SYNPO2: variants seen among roughly 807,000 people sequenced by gnomAD.
SYNPO2 encodes the protein synaptopodin 2, also known as synaptopodin-2.
A neutral mutation model predicts 85.0 loss-of-function variants in SYNPO2; 56 were observed. The ratio of observed to expected loss-of-function variants is 0.66; its 90% CI spans 0.53 to 0.82. The LOEUF (loss-of-function observed/expected upper bound fraction) is 0.82, where lower values mean the gene tolerates loss of function less well. Among genes scored for constraint, SYNPO2 ranks in the 40% least tolerant of loss-of-function variants. The pLI is 0.00. For synonymous variants in SYNPO2, 602 were observed against 591.1 expected (o/e 1.02, Z -0.27); for missense variants, 1,575 against 1,534.2 (o/e 1.03, Z -0.44).
At chr4:118,935,144 A>T (rs759346457) in intron 1 of SYNPO2, among the ~76,000 whole-genome samples, 6 of 152,176 alleles carry the variant, frequency 3.9e-5, no homozygotes, top group Non-Finnish European at 8.8e-5. Flanking sequence ...AAACTCAGAC[A>T]CACAATTCCA....
At chr4:118,933,818 CTGT>C (rs1431295811) in intron 1 of SYNPO2, among the ~76,000 whole-genome samples, 9 of 142,384 alleles carry the variant, frequency 6.3e-5, no homozygotes, top group African/African-American at 2.3e-4. Flanking sequence ...CTGCTTTTTG[CTGT>C]TGTTGTTGTT....
In SYNPO2 at chr4:119,057,515, G is replaced by A. The variant is rs200416625; in HGVS notation, c.3367G>A (p.Glu1123Lys). 2.5e-6 allele frequency: 4 copies of A among 1,614,094 alleles called. No homozygotes were observed. In the East Asian group the frequency reaches 8.9e-5, roughly 36 times the overall value. ...SYSSKPTDGL[E>K]KANKRPTPWE... ...CTCTAGTAAACCAACCGATGGACTA[G>A]AGAAAGCAAACAAGAGACCAACTCC... The change falls in exon 5 of 5, where the codon GAG becomes AAG. Residue 1123 changes from glutamate (E) to lysine (K), a missense_variant. This residue lies in a region of SYNPO2 where 1,508 missense variants were observed against 1,446.8 expected (regional missense o/e 1.04). Transcript: ENST00000307142.
At chr4:119,022,708 TA>T (rs1737778501) in intron 1 of SYNPO2, among the ~76,000 whole-genome samples, 1 of 89,844 alleles carries the variant, frequency 1.1e-5, no homozygotes. Flanking sequence ...TTTTATTTTA[TA>T]TTTTATTTTA....
intron 1 of SYNPO2, among the ~76,000 whole-genome samples, chr4:118,897,230 G>A (rs918121657): frequency 1.1e-4 from 17 of 152,218 alleles, no homozygotes; most frequent in Admixed American, 9.8e-4. Flanking sequence ...CAAACCATCA[G>A]ATCTTGTGAG....
chr4:119,019,625 G>C (rs957049115), intron 1 of SYNPO2, among the ~76,000 whole-genome samples: 11 of 152,214 alleles, frequency 7.2e-5, no homozygotes, highest in African/African-American at 1.9e-4. Context: ...TTGAGCTGTA[G>C]GTACATCATG....
In SYNPO2 at chr4:119,003,343, TG is replaced by T. The variant is rs562812946; in HGVS notation, c.106-20082del. Among the ~76,000 whole-genome samples the T allele has an allele frequency of 3.9e-4, 59 of 152,256 alleles. 1 individual carries two copies. In the South Asian group the frequency reaches 9.7e-3, roughly 25 times the overall value. On this transcript the variant is annotated intron_variant, in intron 1 of 4. Coordinates refer to ENST00000307142, the MANE Select transcript of SYNPO2 (RefSeq NM_133477.3). The stretch of plus-strand genomic sequence containing the variant: ...AGAACTCACTATCATGAGAACAGCA[TG>T]GGGGAAACCACCCCCATGATCCAAT...
In SYNPO2 at chr4:119,027,180, A is replaced by G; in HGVS notation, c.811A>G (p.Ile271Val). Residue 271 changes from isoleucine (I) to valine (V), a missense_variant, in exon 3 of 5, where the codon ATC becomes GTC. Around this residue, in one of 3 missense-constraint regions of SYNPO2, gnomAD observed 1,508 missense variants for 1,446.8 expected, o/e 1.04. Coordinates refer to ENST00000307142, the MANE Select transcript of SYNPO2 (RefSeq NM_133477.3). ...QISSGRELRV[I>V]QESEAGDAGL... ...CTCCAGTGGCAGAGAGTTGAGAGTG[A>G]TCCAGGAAAGTGAAGCAGGAGATGC... The G allele has an allele frequency of 6.2e-7, 1 of 1,614,184 alleles. No homozygotes were observed. Among genetic ancestry groups the G allele is most frequent in the East Asian group, 2.2e-5 (1 of 44,866 alleles).
chr4:118,926,366 G>A (rs929030711), intron 1 of SYNPO2, among the ~76,000 whole-genome samples: 3 of 152,170 alleles, frequency 2.0e-5, no homozygotes, highest in Admixed American at 1.3e-4. Context: ...CTGCTGGGAA[G>A]CTATTTCAAC....
chr4:119,028,689 C>T (rs977169643), intron 3 of SYNPO2, among the ~76,000 whole-genome samples: 2 of 151,900 alleles, frequency 1.3e-5, no homozygotes, highest in Non-Finnish European at 2.9e-5. Flanking sequence ...AAAATTATTT[C>T]CTTGGATTAT....
chr4:118,882,810 C>A (rs1276969613), intron 1 of SYNPO2, among the ~76,000 whole-genome samples: 4 of 151,686 alleles, frequency 2.6e-5, no homozygotes, highest in African/African-American at 9.7e-5. Flanking sequence ...CGCTCTGTCG[C>A]CCAGGCTGAA....
chr4:118,851,174 T>G (rs1185939486), intron 1 of SYNPO2, among the ~76,000 whole-genome samples: 1 of 152,222 alleles, frequency 6.6e-6, no homozygotes, highest in Non-Finnish European at 1.5e-5. Flanking sequence ...TTCCTCACAT[T>G]GTCCTAGTAA....
chr4:119,019,537 A>T (rs1737641021), intron 1 of SYNPO2, among the ~76,000 whole-genome samples: 1 of 149,260 alleles, frequency 6.7e-6, no homozygotes, highest in African/African-American at 2.4e-5. Context: ...TTTAATTTTT[A>T]AAAATATTTT....
chr4:118,913,449 G>A (rs1733205390), intron 1 of SYNPO2, among the ~76,000 whole-genome samples: 2 of 152,098 alleles, frequency 1.3e-5, no homozygotes, highest in African/African-American at 4.8e-5. Context: ...TTCCAGCTCT[G>A]GTGTTATAGT....
At chr4:118,873,604 C>T (rs1253464416) in intron 1 of SYNPO2, among the ~76,000 whole-genome samples, 1 of 151,952 alleles carries the variant, frequency 6.6e-6, no homozygotes, top group Non-Finnish European at 1.5e-5. Context: ...AATACTAGTC[C>T]TTTGTTGGAT....
chr4:118,988,209 G>T (rs1266495534), intron 1 of SYNPO2, among the ~76,000 whole-genome samples: 3 of 152,104 alleles, frequency 2.0e-5, no homozygotes, highest in Admixed American at 6.6e-5. Flanking sequence ...TAATTTATGT[G>T]AATGTACACC....
chr4:118,976,274 T>C lies in SYNPO2; in HGVS notation c.106-47156T>C, dbSNP rs372946462. 5.2e-4 allele frequency among the ~76,000 whole-genome samples: 79 copies of C among 152,132 alleles called. 1 individual carries two copies. Among genetic ancestry groups the C allele is most frequent in the African/African-American group, 1.8e-3 (75 of 41,516 alleles). On this transcript the variant is annotated intron_variant, in intron 1 of 4. Coordinates refer to ENST00000307142, the MANE Select transcript of SYNPO2 (RefSeq NM_133477.3). ...TGAAGCTGCAGACCTTTGCAGTGAG[T>C]GTTACAGCTCTTAAGGCAGCGCGTC...
rs4336210 is a variant in SYNPO2, at chr4:118,977,007, G to C, written c.106-46423G>C. On this transcript the variant is annotated intron_variant, in intron 1 of 4. Transcript: ENST00000307142. ...CTTCACCTAGAGGATCCCGCACCGG[G>C]GCTGCAGCTGGAGCTGCCTGCCAGT... 3.8e-3 allele frequency among the ~76,000 whole-genome samples: 581 copies of C among 152,358 alleles called. 1 individual carries two copies. The highest frequency in any genetic ancestry group is 0.013 in the African/African-American group (552 of 41,586).
chr4:118,903,899 T>C (rs1732840730), intron 1 of SYNPO2, among the ~76,000 whole-genome samples: 1 of 151,988 alleles, frequency 6.6e-6, no homozygotes, highest in African/African-American at 2.4e-5. Context: ...TTTCAGTAGT[T>C]TCAACAAGGG....
chr4:118,926,854 C>T (rs1733727651), intron 1 of SYNPO2, among the ~76,000 whole-genome samples: 1 of 152,144 alleles, frequency 6.6e-6, no homozygotes, highest in South Asian at 2.1e-4. Context: ...GTCAAATCCC[C>T]ACAGTACACG....
Sources: gnomAD v4.1 joint callset for allele counts (sites outside exome capture counted in the v4.1 genomes callset) on GRCh38, gnomAD v4.1.1 for gene constraint, gnomAD v4.1.1 regional missense constraint, MANE v1.5 for transcripts, NCBI Gene and HGNC (gene_info 2026-07-23, HGNC 2026-07-21) for gene names.